Variants in ERBB4 observed in about 807,000 individuals in gnomAD.
ERBB4 encodes the protein receptor tyrosine-protein kinase erbB-4.
A neutral mutation model predicts 158.0 loss-of-function variants in ERBB4; 42 were observed. The observed-to-expected ratio is 0.27, with a 90% CI of 0.21 to 0.34. ERBB4 has a LOEUF of 0.34. Among genes scored for constraint, ERBB4 ranks in the 10% least tolerant of loss-of-function variants. ERBB4 has a pLI of 1.00. For synonymous variants in ERBB4, 583 were observed against 558.7 expected (o/e 1.04, Z -0.61); for missense variants, 1,333 against 1,624.1 (o/e 0.82, Z 3.08).
chr2:212,518,184 G>T (rs1278519162), intron 1 of ERBB4, among the ~76,000 whole-genome samples: 2 of 151,862 alleles, frequency 1.3e-5, no homozygotes, highest in African/African-American at 4.8e-5. Context: ...AATTGATAAG[G>T]AACTGATTTT....
In ERBB4 at chr2:212,496,287, A is replaced by C. The variant is rs572455745; in HGVS notation, c.82+42162T>G. ...CGATTGTTGATTGACCTGGTAAAAA[A>C]AAAAAACAAAAAAACAGACATACAT... On this transcript the variant is annotated intron_variant, in intron 1 of 27. Transcript: ENST00000342788. Among the ~76,000 whole-genome samples the C allele has an allele frequency of 2.3e-4, 35 of 151,942 alleles. 1 individual carries two copies. In the South Asian group the frequency reaches 6.6e-3, roughly 29 times the overall value.
chr2:212,380,692 G>C (rs1265116396), intron 1 of ERBB4, among the ~76,000 whole-genome samples: 1 of 150,358 alleles, frequency 6.7e-6, no homozygotes, highest in African/African-American at 2.4e-5. Flanking sequence ...TTTCTCACGA[G>C]AATTTAGGCT....
chr2:212,098,806 T>G (rs2079001072), intron 2 of ERBB4, among the ~76,000 whole-genome samples: 1 of 152,168 alleles, frequency 6.6e-6, no homozygotes, highest in Admixed American at 6.6e-5. Context: ...GGCTTACTCT[T>G]GTAAGATTGG....
chr2:211,456,104 C>T (rs140068388), intron 20 of ERBB4, among the ~76,000 whole-genome samples: 139 of 152,252 alleles, frequency 9.1e-4, no homozygotes, highest in Middle Eastern at 6.8e-3. Flanking sequence ...GTGTGTGAAG[C>T]CACCTATGAT....
intron 3 of ERBB4, among the ~76,000 whole-genome samples, chr2:211,915,550 A>G (rs1031833160): frequency 6.6e-6 from 1 of 151,920 alleles, no homozygotes; most frequent in Non-Finnish European, 1.5e-5. Context: ...ACATATGTTT[A>G]AAACTCTATA....
intron 1 of ERBB4, among the ~76,000 whole-genome samples, chr2:212,427,331 A>G (rs187470399): frequency 6.6e-6 from 1 of 152,162 alleles, no homozygotes; most frequent in African/African-American, 2.4e-5. Context: ...ACAGTTTATC[A>G]TATTGTCAGT....
At position 212,466,430 on chromosome 2, in the gene ERBB4, G is replaced by C. The variant is rs540674699; in HGVS notation, c.82+72019C>G. ...ATTCCCATGTTGTGGAAGGGACCTGGTGGGAGATGACTGAATCACGGGAGT... is the reference window on the plus strand; with the variant it reads ...ATTCCCATGTTGTGGAAGGGACCTGCTGGGAGATGACTGAATCACGGGAGT... On this transcript the variant is annotated intron_variant, in intron 1 of 27. Coordinates refer to ENST00000342788, the MANE Select transcript of ERBB4 (RefSeq NM_005235.3). Among the ~76,000 whole-genome samples the C allele has an allele frequency of 3.9e-5, 6 of 152,330 alleles. No individual in the cohort carries two copies. In the South Asian group the frequency reaches 8.3e-4, roughly 21 times the overall value.
At chr2:212,266,110 C>T (rs752966678) in intron 1 of ERBB4, among the ~76,000 whole-genome samples, 1 of 151,724 alleles carries the variant, frequency 6.6e-6, no homozygotes, top group Non-Finnish European at 1.5e-5. Flanking sequence ...GCATGCCCCC[C>T]TCTCCTATTC....
At chr2:211,525,997 C>A (rs1443599129) in intron 20 of ERBB4, among the ~76,000 whole-genome samples, 1 of 152,100 alleles carries the variant, frequency 6.6e-6, no homozygotes, top group East Asian at 1.9e-4. Context: ...GAACTGGATG[C>A]CTACTGCCCA....
At chr2:212,251,602 A>G (rs1216014990) in intron 1 of ERBB4, among the ~76,000 whole-genome samples, 1 of 152,016 alleles carries the variant, frequency 6.6e-6, no homozygotes, top group Non-Finnish European at 1.5e-5. Flanking sequence ...AGAGGAAGCC[A>G]TGCAGACATA....
intron 2 of ERBB4, among the ~76,000 whole-genome samples, chr2:211,969,285 G>A (rs1215295577): frequency 1.3e-5 from 2 of 151,988 alleles, no homozygotes; most frequent in Non-Finnish European, 2.9e-5. Context: ...TCTGAGCAAT[G>A]TTAGGAAAAC....
At chr2:211,585,371 T>C (rs899594508) in intron 19 of ERBB4, among the ~76,000 whole-genome samples, 8 of 135,228 alleles carry the variant, frequency 5.9e-5, no homozygotes. Context: ...AAAAAAGACT[T>C]CCTTAGGCTT....
intron 25 of ERBB4, among the ~76,000 whole-genome samples, chr2:211,392,859 C>T (rs2062832543): frequency 6.6e-6 from 1 of 152,088 alleles, no homozygotes; most frequent in South Asian, 2.1e-4. Context: ...GTTTCACTAT[C>T]TTGGCCAGGC....
chr2:212,418,963 AAAG>A (rs1400579874), intron 1 of ERBB4, among the ~76,000 whole-genome samples: 1 of 151,996 alleles, frequency 6.6e-6, no homozygotes, highest in Non-Finnish European at 1.5e-5. Context: ...TGAAAGCTTC[AAAG>A]AAGCAGAGCA....
chr2:212,003,220 G>GACA (rs1559294358), intron 2 of ERBB4, among the ~76,000 whole-genome samples: 11 of 35,256 alleles, frequency 3.1e-4, no homozygotes, highest in South Asian at 8.3e-4. Flanking sequence ...AAAGAAGGAA[G>GACA]GAAGGAAGGA....
chr2:212,253,593 T>A (rs1300461963), intron 1 of ERBB4, among the ~76,000 whole-genome samples: 1 of 152,164 alleles, frequency 6.6e-6, no homozygotes, highest in Non-Finnish European at 1.5e-5. Flanking sequence ...CTAACTAGAT[T>A]TCAGGTTTTG....
chr2:211,795,450 T>C (rs1173323092), intron 3 of ERBB4, among the ~76,000 whole-genome samples: 1 of 151,914 alleles, frequency 6.6e-6, no homozygotes, highest in Non-Finnish European at 1.5e-5. Context: ...GGAATATGCT[T>C]CTTTTGAGTA....
rs373625007 is a variant in ERBB4, at chr2:211,437,032, C to T, written c.2488-5932G>A. ...AGATTTTCTATACCAAGATAACTGC[C>T]ACTTATTACACACCATGGAGGGGAG... On this transcript the variant is annotated intron_variant, in intron 20 of 27. Coordinates refer to ENST00000342788, the MANE Select transcript of ERBB4 (RefSeq NM_005235.3). 6.2e-4 allele frequency among the ~76,000 whole-genome samples: 94 copies of T among 152,240 alleles called. 1 individual carries two copies. In the South Asian group the frequency reaches 0.019, roughly 31 times the overall value.
chr2:211,912,359 T>A (rs965417874), intron 3 of ERBB4, among the ~76,000 whole-genome samples: 4 of 152,066 alleles, frequency 2.6e-5, no homozygotes, highest in African/African-American at 9.7e-5. Flanking sequence ...TTTTTTTACC[T>A]TCCAAGAGTA....
Sources: gnomAD v4.1 joint callset for allele counts (sites outside exome capture counted in the v4.1 genomes callset) on GRCh38, gnomAD v4.1.1 for gene constraint, MANE v1.5 for transcripts, NCBI Gene and HGNC (gene_info 2026-07-23, HGNC 2026-07-21) for gene names.